The following POP1 variants were observed in gnomAD, a reference collection of about 807,000 sequenced individuals.
The protein encoded by POP1 is ribonucleases P/MRP protein subunit POP1.
A neutral mutation model predicts 102.2 loss-of-function variants in POP1; 75 were observed. The ratio of observed to expected loss-of-function variants is 0.73; its 90% confidence interval spans 0.61 to 0.89. The LOEUF is 0.89. Ranked by LOEUF, POP1 falls within the 40% of genes least tolerant of loss-of-function variation. The probability of loss-of-function intolerance (pLI) is 0.00; values close to 1 mark genes in which losing one functional copy is unlikely to be tolerated. For missense variants in POP1, 1,116 were observed against 1,267.4 expected, an observed-to-expected ratio of 0.88 and a Z score of 1.81; for synonymous variants, 436 against 464.1, an observed-to-expected ratio of 0.94 and a Z score of 0.78.
chr8:98,128,009 CT>C (rs967220123), intron 3 of POP1, among the ~76,000 whole-genome samples: 14 of 152,154 alleles, frequency 9.2e-5, no homozygotes, highest in African/African-American at 2.9e-4. Context: ...TGAACTGTTC[CT>C]CTTTGTCTTA....
chr8:98,123,566 C>G, intron 2 of POP1, 87 bp downstream of exon 2: 2 of 1,168,302 alleles, frequency 1.7e-6, no homozygotes, highest in East Asian at 2.7e-5. Flanking sequence ...TTCATGAGGT[C>G]AAGAGATCAA....
intron 4 of POP1, among the ~76,000 whole-genome samples, chr8:98,129,046 T>C (rs1475032449): frequency 6.6e-6 from 1 of 152,214 alleles, no homozygotes; most frequent in Non-Finnish European, 1.5e-5. Flanking sequence ...TTGGCTATTA[T>C]GGGTGCTTTG....
At position 98,130,020 on chromosome 8, in the gene POP1, A is replaced by T; in HGVS notation, c.529A>T (p.Lys177Ter). 6.2e-7 allele frequency: 1 copy of T among 1,614,090 alleles called. No homozygotes were observed. Among genetic ancestry groups the T allele is most frequent in the Non-Finnish European group, 8.5e-7 (1 of 1,179,928 alleles). ...VHQKKEHSKN[K>*]CHKARRCHMN... ...TCAGAAAAAAGAACATTCAAAAAAT[A>T]AATGCCATAAAGCTCGAAGATGTCA... is the stretch of plus-strand genomic sequence containing the variant. The change falls in exon 5 of 16, where the codon AAA becomes TAA. Residue 177 changes from lysine (K) to a stop codon, truncating the protein, a stop_gained. Coordinates refer to ENST00000401707, the MANE Select transcript of POP1 (RefSeq NM_001145860.2). LOFTEE classifies it high-confidence loss of function.
At chr8:98,131,845 G>A (rs1457507083) in intron 5 of POP1, among the ~76,000 whole-genome samples, 1 of 152,174 alleles carries the variant, frequency 6.6e-6, no homozygotes, top group Non-Finnish European at 1.5e-5. Context: ...CCTTTTAGGA[G>A]TCTTTGATTT....
Position 98,130,182 on chromosome 8 carries a change from C to A in POP1, c.691C>A (p.His231Asn). 1 of 1,614,158 alleles carries A rather than the reference C, an allele frequency of 6.2e-7. No individual in the cohort carries two copies. Among genetic ancestry groups the A allele is most frequent in the Non-Finnish European group, 8.5e-7 (1 of 1,180,028 alleles). Residue 231 changes from histidine (H) to asparagine (N), a missense_variant, in exon 5 of 16, where the codon CAC (histidine) becomes AAC (asparagine). His to Asn is a moderately conservative substitution (Grantham distance 68, BLOSUM62 1). Transcript: ENST00000401707. ...TGGGGAGAGGCCAACAGTCAAGAGC[C>A]ACAGAGCCTGCTATCGAGCCATGAC... is the stretch of plus-strand genomic sequence containing the variant. The part of the protein sequence containing the change: ...CLGERPTVKS[H>N]RACYRAMTNR...
At chr8:98,132,487 A>C (rs1223962814) in intron 5 of POP1, among the ~76,000 whole-genome samples, 1 of 152,220 alleles carries the variant, frequency 6.6e-6, no homozygotes, top group African/African-American at 2.4e-5. Flanking sequence ...ATGCGTTGTC[A>C]GAATCATAGC....
Position 98,157,933 on chromosome 8 carries a change from GAGA to G in POP1, c.2745_2747del (p.Lys916del). 1 of 1,614,064 alleles carries G rather than the reference GAGA, an allele frequency of 6.2e-7. No homozygotes were observed. Among genetic ancestry groups the G allele is most frequent in the Non-Finnish European group, 8.5e-7 (1 of 1,179,998 alleles). On this transcript the variant is annotated inframe_deletion, in exon 16 of 16. Transcript: ENST00000401707. ...CAGGAGCAAGATCCTGAAACAGAAA[GAGA>G]AGAAGAAAAGGGAGAAGAGGCAGAA... is the stretch of plus-strand genomic sequence containing the variant.
At chr8:98,148,277 G>A (rs1160323398) in intron 12 of POP1, among the ~76,000 whole-genome samples, 1 of 152,150 alleles carries the variant, frequency 6.6e-6, no homozygotes, top group Non-Finnish European at 1.5e-5. Context: ...AACAGTGATA[G>A]CCCTCTTACC....
At position 98,159,411 on chromosome 8, in the gene POP1, G is replaced by A. The variant is rs904859530; in HGVS notation, c.*1140G>A. The A allele has an allele frequency of 4.6e-5, 7 of 152,286 alleles. No homozygotes were observed. The South Asian group carries it at 1.4e-3, about 32-fold the overall frequency. 9.4% of individuals were successfully genotyped at this position (152,286 alleles called of 1,614,324 possible). ...AGGAAGGTCTCATCTTGCCTCACAG[G>A]AAGAGTGGGCTCAGTGTGGCTTTTT... On this transcript the variant is annotated 3_prime_UTR_variant, in exon 16 of 16. Transcript: ENST00000401707.
rs9969536 is a variant in POP1, at chr8:98,148,729, T to C, written c.1711-86T>C. The C allele has an allele frequency of 0.13, 153,214 of 1,189,062 alleles. 10,700 individuals carry two copies. Among genetic ancestry groups the C allele is most frequent in the Middle Eastern group, 0.19 (718 of 3,808 alleles). The allele number at this position is 1,189,062 out of a possible 1,614,324, so 73.7% of individuals were successfully genotyped here. On this transcript the variant is annotated intron_variant, in intron 12 of 15. Transcript: ENST00000401707. ...CTTGCTTTTTTAAAAGAGCATTTAA[T>C]TTTCTAAAGCTGCTTATAGGGAGAC...
chr8:98,120,513 C>A (rs1047445047), intron 1 of POP1, among the ~76,000 whole-genome samples: 6 of 152,212 alleles, frequency 3.9e-5, no homozygotes, highest in Non-Finnish European at 8.8e-5. Context: ...ACTCTATCGC[C>A]CAGGCTGGAG....
chr8:98,147,813 T>C (rs967865404), intron 12 of POP1, among the ~76,000 whole-genome samples: 1 of 152,196 alleles, frequency 6.6e-6, no homozygotes, highest in Non-Finnish European at 1.5e-5. Flanking sequence ...GGTCCTGATA[T>C]TCTAGCTTGG....
chr8:98,127,878 C>T (rs1816257865), intron 3 of POP1, 116 bp downstream of exon 3: 1 of 1,133,366 alleles, frequency 8.8e-7, no homozygotes, highest in Non-Finnish European at 1.3e-6. Flanking sequence ...TCCTCTCCTC[C>T]TCCTACTTTA....
At chr8:98,134,999 G>A (rs573688613) in intron 7 of POP1, among the ~76,000 whole-genome samples, 58 of 152,122 alleles carry the variant, frequency 3.8e-4, no homozygotes, top group South Asian at 1.9e-3. Context: ...AAGTCAGGGC[G>A]GGGCATGGTT....
chr8:98,156,012 A>T, intron 14 of POP1, 38 bp from the exon 15 acceptor site: 2 of 1,610,712 alleles, frequency 1.2e-6, no homozygotes, highest in East Asian at 4.5e-5. Flanking sequence ...CCAATCCTAA[A>T]TTGTTCAACA....
intron 7 of POP1, among the ~76,000 whole-genome samples, chr8:98,135,659 A>C (rs1486718500): frequency 6.6e-6 from 1 of 151,696 alleles, no homozygotes; most frequent in East Asian, 1.9e-4. Flanking sequence ...CACTACTCAG[A>C]ACACCCAAAA....
At chr8:98,127,527 A>G in intron 2 of POP1, 68 bp from the exon 3 acceptor site, 1 of 1,584,804 alleles carries the variant, frequency 6.3e-7, no homozygotes, top group Non-Finnish European at 8.7e-7. Flanking sequence ...CACCCAACAA[A>G]TATTAGTTCT....
At chr8:98,127,487 C>A in intron 2 of POP1, 108 bp from the exon 3 acceptor site, 1 of 1,335,844 alleles carries the variant, frequency 7.5e-7, no homozygotes, top group East Asian at 2.3e-5. Context: ...TACAGGGTGA[C>A]TATAGGATTA....
chr8:98,159,067 C>T lies in POP1; in HGVS notation c.*796C>T, dbSNP rs7821171. 37,348 of 152,040 alleles carry T rather than the reference C, an allele frequency of 0.25. 4,738 individuals carry two copies. Among genetic ancestry groups the T allele is most frequent in the Admixed American group, 0.28 (4,246 of 15,264 alleles). 9.4% of individuals were successfully genotyped at this position (152,040 alleles called of 1,614,324 possible). A position where few individuals can be genotyped will look rare whatever the true frequency, so the allele number is the denominator to read the frequency against. ...CTAAAAAAGTAAGAGATTCCAAGGT[C>T]AGGTTGATATGGAAACTCTAGGTTA... On this transcript the variant is annotated 3_prime_UTR_variant, in exon 16 of 16. Transcript: ENST00000401707.
Sources: gnomAD v4.1 joint callset for allele counts (sites outside exome capture counted in the v4.1 genomes callset) on GRCh38, gnomAD v4.1.1 for gene constraint, MANE v1.5 for transcripts, NCBI Gene and HGNC (gene_info 2026-07-23, HGNC 2026-07-21) for gene names.